FBXL17: variants seen among roughly 807,000 people sequenced by gnomAD.
FBXL17 encodes the protein F-box/LRR-repeat protein 17.
Under a neutral mutation model 66.2 loss-of-function variants are expected in FBXL17, and 22 were observed. The ratio of observed to expected loss-of-function variants is 0.33; its 90% CI spans 0.24 to 0.47. FBXL17 has a LOEUF of 0.47. Among genes scored for constraint, FBXL17 ranks in the 20% least tolerant of loss-of-function variants. The probability of loss-of-function intolerance (pLI) is 1.00; values close to 1 mark genes in which losing one functional copy is unlikely to be tolerated. For missense variants in FBXL17, 878 were observed against 948.2 expected, an observed-to-expected ratio of 0.93 and a Z score of 0.97; for synonymous variants, 474 against 400.5, an observed-to-expected ratio of 1.18 and a Z score of -2.19.
chr5:107,931,153 G>A (rs1425440987), intron 7 of FBXL17, among the ~76,000 whole-genome samples: 1 of 152,008 alleles, frequency 6.6e-6, no homozygotes, highest in East Asian at 1.9e-4. Context: ...CAGTTTGTAT[G>A]TACTGTTGGC....
chr5:108,082,007 G>T (rs1053652540), intron 6 of FBXL17, among the ~76,000 whole-genome samples: 1 of 152,062 alleles, frequency 6.6e-6, no homozygotes, highest in African/African-American at 2.4e-5. Context: ...CATAGATAAG[G>T]CCTCCAATAT....
chr5:108,178,222 T>A (rs1030655682), intron 6 of FBXL17, among the ~76,000 whole-genome samples: 5 of 151,894 alleles, frequency 3.3e-5, no homozygotes, highest in Non-Finnish European at 4.4e-5. Context: ...TTTTTAAAAA[T>A]TTTTTTATAA....
intron 6 of FBXL17, among the ~76,000 whole-genome samples, chr5:108,082,661 T>C (rs1291795575): frequency 6.6e-6 from 1 of 152,092 alleles, no homozygotes; most frequent in African/African-American, 2.4e-5. Context: ...CCAATGACAG[T>C]CCAGAGTGAT....
chr5:108,309,298 T>C (rs181280410), intron 4 of FBXL17, among the ~76,000 whole-genome samples: 45 of 152,152 alleles, frequency 3.0e-4, no homozygotes, highest in African/African-American at 1.0e-3. Context: ...TACATACATG[T>C]ATTAACAAGT....
At chr5:108,177,122 G>A (rs1752822855) in intron 6 of FBXL17, among the ~76,000 whole-genome samples, 1 of 152,112 alleles carries the variant, frequency 6.6e-6, no homozygotes, top group African/African-American at 2.4e-5. Flanking sequence ...TACAGATAGT[G>A]ACACATTTGT....
chr5:107,974,485 A>G (rs937032542), intron 7 of FBXL17, among the ~76,000 whole-genome samples: 1 of 152,146 alleles, frequency 6.6e-6, no homozygotes, highest in African/African-American at 2.4e-5. Flanking sequence ...TTTCCACTCA[A>G]AAATGTGATC....
chr5:108,042,592 T>C (rs1747093495), intron 6 of FBXL17, among the ~76,000 whole-genome samples: 1 of 152,222 alleles, frequency 6.6e-6, no homozygotes, highest in South Asian at 2.1e-4. Context: ...CGTCTACAAA[T>C]AGTCTGTACC....
chr5:107,874,487 C>T (rs890997299), intron 8 of FBXL17, among the ~76,000 whole-genome samples: 1 of 152,100 alleles, frequency 6.6e-6, no homozygotes, highest in South Asian at 2.1e-4. Flanking sequence ...CATTATCATC[C>T]CCATTTTTCA....
chr5:107,971,472 G>A (rs978877529), intron 7 of FBXL17, among the ~76,000 whole-genome samples: 1 of 152,162 alleles, frequency 6.6e-6, no homozygotes, highest in Non-Finnish European at 1.5e-5. Context: ...CTTAATACGT[G>A]TAAAACTATG....
chr5:107,908,831 G>A (rs1443513760), intron 7 of FBXL17, among the ~76,000 whole-genome samples: 2 of 152,116 alleles, frequency 1.3e-5, no homozygotes, highest in Non-Finnish European at 2.9e-5. Flanking sequence ...TCTGAGGACA[G>A]TGTTAAATGT....
intron 7 of FBXL17, among the ~76,000 whole-genome samples, chr5:107,925,600 A>G (rs535663481): frequency 6.6e-6 from 1 of 152,286 alleles, no homozygotes; most frequent in East Asian, 1.9e-4. Context: ...TGGCTAATAA[A>G]TATCCCAGTT....
intron 7 of FBXL17, among the ~76,000 whole-genome samples, chr5:107,896,399 T>C (rs1418707072): frequency 6.6e-6 from 1 of 152,124 alleles, no homozygotes; most frequent in East Asian, 1.9e-4. Context: ...AAATAGAAGA[T>C]ACTTATATTA....
intron 7 of FBXL17, among the ~76,000 whole-genome samples, chr5:107,894,053 G>T (rs1749293542): frequency 6.6e-6 from 1 of 152,160 alleles, no homozygotes; most frequent in South Asian, 2.1e-4. Flanking sequence ...TTTTTCCCTA[G>T]GAGTTGATAT....
intron 3 of FBXL17, among the ~76,000 whole-genome samples, chr5:108,360,497 AT>A (rs1232033089): frequency 1.3e-5 from 2 of 152,068 alleles, no homozygotes; most frequent in Non-Finnish European, 2.9e-5. Context: ...TGAGTCACTT[AT>A]CTTTTGCTGC....
At chr5:108,016,729 C>G (rs1256167758) in intron 7 of FBXL17, among the ~76,000 whole-genome samples, 1 of 152,066 alleles carries the variant, frequency 6.6e-6, no homozygotes, top group Non-Finnish European at 1.5e-5. Context: ...TTCTTAATCC[C>G]AAGGACACAC....
chr5:108,216,140 ACT>A (rs1171436436), intron 5 of FBXL17, among the ~76,000 whole-genome samples: 2 of 152,070 alleles, frequency 1.3e-5, no homozygotes, highest in Non-Finnish European at 2.9e-5. Context: ...GTCCTCCAAC[ACT>A]GTTTTTCTTT....
At chr5:108,368,913 T>TA in intron 1 of FBXL17, among the ~76,000 whole-genome samples, 1 of 51,466 alleles carries the variant, frequency 1.9e-5, no homozygotes, top group Non-Finnish European at 3.7e-5. Flanking sequence ...GCTACAAGGA[T>TA]TTAAAAAAAA....
chr5:108,020,871 G>T, intron 7 of FBXL17, 54 bp downstream of exon 7: 1 of 1,284,088 alleles, frequency 7.8e-7, no homozygotes, highest in South Asian at 1.2e-5. Context: ...AACTTTCAAT[G>T]ATTTTGTAAC....
At chr5:108,352,736 C>T (rs968357373) in intron 3 of FBXL17, among the ~76,000 whole-genome samples, 10 of 152,242 alleles carry the variant, frequency 6.6e-5, no homozygotes, top group African/African-American at 2.4e-4. Flanking sequence ...GTCTCGAACT[C>T]CTGACCTCAT....
Sources: gnomAD v4.1 joint callset for allele counts (sites outside exome capture counted in the v4.1 genomes callset) on GRCh38, gnomAD v4.1.1 for gene constraint, MANE v1.5 for transcripts, NCBI Gene and HGNC (gene_info 2026-07-23, HGNC 2026-07-21) for gene names.